Variants in FBXL13 observed in about 807,000 individuals in gnomAD.
The protein encoded by FBXL13 is F-box and leucine rich repeat protein 13.
Under a neutral mutation model 83.6 loss-of-function variants are expected in FBXL13, and 67 were observed. The ratio of observed to expected loss-of-function variants is 0.80; its 90% CI spans 0.66 to 0.98. The LOEUF is 0.98. Among genes scored for constraint, FBXL13 ranks in the 50% least tolerant of loss-of-function variants. FBXL13 has a pLI of 0.00. For missense variants in FBXL13, 822 were observed against 866.5 expected (o/e 0.95, Z 0.64); for synonymous variants, 272 against 299.5 (o/e 0.91, Z 0.95).
At chr7:102,882,748 C>T (rs572463403) in intron 14 of FBXL13, among the ~76,000 whole-genome samples, 15 of 150,112 alleles carry the variant, frequency 1.0e-4, no homozygotes, top group South Asian at 4.3e-4. Flanking sequence ...GGCAACAGAG[C>T]GAGACTCTGT....
intron 8 of FBXL13, among the ~76,000 whole-genome samples, chr7:102,960,601 A>C (rs1370155578): frequency 1.3e-5 from 2 of 151,920 alleles, no homozygotes; most frequent in Non-Finnish European, 2.9e-5. Context: ...TACTGGCAAA[A>C]CGAATCCAGC....
At chr7:102,901,118 G>A (rs879489164) in intron 11 of FBXL13, among the ~76,000 whole-genome samples, 2 of 152,144 alleles carry the variant, frequency 1.3e-5, no homozygotes, top group Non-Finnish European at 2.9e-5. Context: ...GCCCATTGTG[G>A]CCATATGGAA....
intron 6 of FBXL13, among the ~76,000 whole-genome samples, chr7:102,999,066 A>T (rs534919394): frequency 4.6e-4 from 70 of 151,470 alleles, no homozygotes; most frequent in African/African-American, 1.6e-3. Flanking sequence ...CACCATATAC[A>T]GTCTTTATTT....
intron 6 of FBXL13, among the ~76,000 whole-genome samples, chr7:102,985,318 C>CACACTA (rs1828810307): frequency 6.6e-6 from 1 of 152,236 alleles, no homozygotes; most frequent in South Asian, 2.1e-4. Context: ...GTCTGCACTT[C>CACACTA]ACACTATCCA....
rs186729435 is a variant in FBXL13 at position 103,070,663 on chromosome 7, G to A, written c.-105+3583C>T. Among the ~76,000 whole-genome samples the A allele has an allele frequency of 7.6e-4, 116 of 152,290 alleles. 1 individual carries two copies. Among genetic ancestry groups the A allele is most frequent in the South Asian group, 2.1e-4 (1 of 4,828 alleles). ...AGAAGCATGGTGCCAGCATCTGCTC[G>A]GCTTCTGGCGAAGGCCTCAGGAAGC... On this transcript the variant is annotated intron_variant, in intron 1 of 19. Transcript: ENST00000313221.
chr7:102,923,548 C>A (rs537627046), intron 10 of FBXL13, among the ~76,000 whole-genome samples: 1 of 152,118 alleles, frequency 6.6e-6, no homozygotes, highest in African/African-American at 2.4e-5. Context: ...TAAGGCCGGG[C>A]GCGGTGGCTC....
At chr7:103,011,972 A>G (rs879726627) in intron 6 of FBXL13, among the ~76,000 whole-genome samples, 23 of 152,186 alleles carry the variant, frequency 1.5e-4, no homozygotes, top group Admixed American at 1.5e-3. Flanking sequence ...TCTTGCAGAG[A>G]GGACAACATT....
intron 17 of FBXL13, among the ~76,000 whole-genome samples, chr7:102,833,992 A>G (rs1019310698): frequency 1.3e-5 from 2 of 150,884 alleles, no homozygotes; most frequent in African/African-American, 4.9e-5. Flanking sequence ...TTGTAAAAAT[A>G]TATTTAAAAA....
intron 11 of FBXL13, among the ~76,000 whole-genome samples, chr7:102,901,801 A>G (rs1302052791): frequency 6.6e-6 from 1 of 152,174 alleles, no homozygotes; most frequent in Non-Finnish European, 1.5e-5. Flanking sequence ...TGCATTGTCT[A>G]TATGTACCAC....
At chr7:103,060,772 A>G (rs890278703) in intron 1 of FBXL13, among the ~76,000 whole-genome samples, 2 of 152,222 alleles carry the variant, frequency 1.3e-5, no homozygotes, top group African/African-American at 4.8e-5. Flanking sequence ...GTGCAGAGAT[A>G]AAAGTGATTA....
intron 6 of FBXL13, among the ~76,000 whole-genome samples, chr7:103,001,902 A>G (rs1221777596): frequency 6.6e-6 from 1 of 152,108 alleles, no homozygotes; most frequent in African/African-American, 2.4e-5. Context: ...CAGATAGCCT[A>G]TTGTGGGACT....
intron 11 of FBXL13, among the ~76,000 whole-genome samples, chr7:102,889,143 T>C (rs1414419000): frequency 1.3e-5 from 2 of 152,178 alleles, no homozygotes; most frequent in African/African-American, 4.8e-5. Context: ...GAGAACTCAT[T>C]GTGGTGCAGC....
intron 1 of FBXL13, among the ~76,000 whole-genome samples, chr7:103,064,187 C>A (rs540648616): frequency 2.6e-5 from 4 of 152,312 alleles, no homozygotes; most frequent in African/African-American, 9.6e-5. Context: ...TGATCTAAAT[C>A]AGCTTGGATT....
intron 8 of FBXL13, among the ~76,000 whole-genome samples, chr7:102,958,020 G>C (rs573844657): frequency 4.5e-4 from 68 of 152,276 alleles, no homozygotes; most frequent in African/African-American, 1.6e-3. Context: ...ATTTGACCCA[G>C]CAATCCCATT....
intron 8 of FBXL13, chr7:102,944,070 GAAAA>G: frequency 1.5e-6 from 1 of 672,246 alleles, no homozygotes; most frequent in African/African-American, 1.9e-5. Context: ...AAAGCTCTGA[GAAAA>G]AGAAAGGAAA....
intron 6 of FBXL13, among the ~76,000 whole-genome samples, chr7:102,991,704 A>T (rs796640565): frequency 1.2e-4 from 18 of 152,372 alleles, no homozygotes; most frequent in African/African-American, 4.3e-4. Flanking sequence ...GTTAATTGAT[A>T]AATTGCTTCA....
chr7:102,831,480 TGAA>T (rs1800693011), intron 18 of FBXL13, among the ~76,000 whole-genome samples: 1 of 151,552 alleles, frequency 6.6e-6, no homozygotes, highest in African/African-American at 2.4e-5. Context: ...GTGTCAGGGA[TGAA>T]GAACCAGAAT....
At chr7:103,029,377 A>G in exon 3 of FBXL13, 1 of 1,547,396 alleles carries the variant, frequency 6.5e-7, no homozygotes, top group East Asian at 2.4e-5. Context: ...CTAAATGTCC[A>G]GTATAAAAGC....
chr7:102,816,020 T>G (rs941764444), intron 19 of FBXL13, among the ~76,000 whole-genome samples: 1 of 152,206 alleles, frequency 6.6e-6, no homozygotes, highest in Non-Finnish European at 1.5e-5. Context: ...ATGAGCTGCA[T>G]GTTGAACCCC....
Sources: allele counts gnomAD v4.1 joint callset (sites outside exome capture counted in the v4.1 genomes callset), GRCh38; gene constraint gnomAD v4.1.1; transcripts MANE v1.5; gene names NCBI Gene and HGNC (gene_info 2026-07-23, HGNC 2026-07-21).